PCDH15: variants seen among roughly 807,000 people sequenced by gnomAD.
PCDH15 encodes protocadherin-15.
Under a neutral mutation model 178.5 loss-of-function variants are expected in PCDH15, and 129 were observed. The ratio of observed to expected loss-of-function variants is 0.72; its 90% confidence interval spans 0.63 to 0.84. The LOEUF is 0.84. PCDH15 is among the 40% of genes least tolerant of loss of function. The pLI is 0.00. For synonymous variants in PCDH15, 800 were observed against 732.0 expected (o/e 1.09, Z -1.50); for missense variants, 2,230 against 2,099.9 (o/e 1.06, Z -1.21).
intron 1 of PCDH15, among the ~76,000 whole-genome samples, chr10:55,223,493 GT>G (rs1188422578): frequency 6.6e-6 from 1 of 152,100 alleles, no homozygotes; most frequent in African/African-American, 2.4e-5. Flanking sequence ...TATTGAAAGA[GT>G]TGTAAGAAAC....
At chr10:54,955,914 C>A (rs118184731) in intron 2 of PCDH15, among the ~76,000 whole-genome samples, 2 of 151,340 alleles carry the variant, frequency 1.3e-5, no homozygotes, top group African/African-American at 2.4e-5. Context: ...ACATGCACTA[C>A]ATATAATTGC....
chr10:54,562,599 C>T (rs2088343683), intron 2 of PCDH15, among the ~76,000 whole-genome samples: 1 of 152,008 alleles, frequency 6.6e-6, no homozygotes, highest in South Asian at 2.1e-4. Context: ...ATTAGTTTCA[C>T]AACATACTTA....
intron 2 of PCDH15, among the ~76,000 whole-genome samples, chr10:55,426,919 A>G (rs1398386759): frequency 1.3e-5 from 2 of 151,904 alleles, no homozygotes; most frequent in Non-Finnish European, 2.9e-5. Context: ...AGTCTCCTAC[A>G]CCCACCTGCT....
chr10:54,304,435 C>T (rs961812694), intron 8 of PCDH15, among the ~76,000 whole-genome samples: 3 of 151,974 alleles, frequency 2.0e-5, no homozygotes, highest in African/African-American at 7.2e-5. Flanking sequence ...TGAGAGTATA[C>T]CAATGATTGC....
At chr10:55,115,345 C>G (rs1837604256) in intron 2 of PCDH15, among the ~76,000 whole-genome samples, 1 of 152,216 alleles carries the variant, frequency 6.6e-6, no homozygotes, top group Non-Finnish European at 1.5e-5. Flanking sequence ...CTTTCTGTAA[C>G]AGCAGTCTTC....
At chr10:54,301,357 C>T (rs186731991) in intron 8 of PCDH15, among the ~76,000 whole-genome samples, 1 of 152,292 alleles carries the variant, frequency 6.6e-6, no homozygotes, top group Admixed American at 6.5e-5. Context: ...AGTCTTCTAT[C>T]ATTCTGTTGT....
At chr10:55,401,167 G>A (rs924004599) in intron 2 of PCDH15, among the ~76,000 whole-genome samples, 8 of 151,892 alleles carry the variant, frequency 5.3e-5, no homozygotes, top group Admixed American at 1.3e-4. Flanking sequence ...AACTAGCTTC[G>A]GGAACACTAC....
At chr10:55,322,581 G>C (rs186529236), upstream of PCDH15, among the ~76,000 whole-genome samples, 282 of 152,176 alleles carry the variant, frequency 1.9e-3, 1 homozygote, top group Middle Eastern at 3.4e-3. Flanking sequence ...TCCAGGCTGA[G>C]GTGGCCTTAG....
chr10:53,846,875 T>C (rs1185436236), intron 28 of PCDH15, among the ~76,000 whole-genome samples: 1 of 152,006 alleles, frequency 6.6e-6, no homozygotes, highest in African/African-American at 2.4e-5. Context: ...GTGAATGAGT[T>C]GAGTTAAAAT....
intron 2 of PCDH15, among the ~76,000 whole-genome samples, chr10:55,026,899 C>T (rs925597747): frequency 1.3e-5 from 2 of 151,842 alleles, no homozygotes; most frequent in South Asian, 4.1e-4. Flanking sequence ...TACTACTGCA[C>T]ATTTTGTTTT....
At chr10:54,963,438 C>T (rs939135616) in intron 2 of PCDH15, among the ~76,000 whole-genome samples, 5 of 151,922 alleles carry the variant, frequency 3.3e-5, no homozygotes, top group Non-Finnish European at 7.4e-5. Flanking sequence ...TAACATTTTA[C>T]CTCCCGTATT....
intron 23 of PCDH15, among the ~76,000 whole-genome samples, chr10:53,941,566 TA>T (rs1383740409): frequency 6.6e-6 from 1 of 152,178 alleles, no homozygotes; most frequent in Non-Finnish European, 1.5e-5. Context: ...TTTCCATAAA[TA>T]AAAAACATCT....
intron 2 of PCDH15, among the ~76,000 whole-genome samples, chr10:55,602,433 C>T (rs1289709311): frequency 1.3e-5 from 2 of 152,120 alleles, no homozygotes; most frequent in Non-Finnish European, 2.9e-5. Flanking sequence ...CCTCTGGGGG[C>T]AGGGCACAGA....
intron 1 of PCDH15, among the ~76,000 whole-genome samples, chr10:55,212,399 C>G (rs1840593006): frequency 1.3e-5 from 2 of 152,028 alleles, no homozygotes; most frequent in African/African-American, 4.8e-5. Flanking sequence ...GAGCAATTCT[C>G]TTTCTTTTGC....
chr10:55,222,551 CT>C (rs1213431181), intron 1 of PCDH15, among the ~76,000 whole-genome samples: 2 of 151,146 alleles, frequency 1.3e-5, no homozygotes, highest in African/African-American at 4.9e-5. Context: ...TGTTTATTTT[CT>C]TTTTCTTAAC....
upstream of PCDH15, among the ~76,000 whole-genome samples, chr10:54,803,379 T>A (rs543110318): frequency 2.6e-5 from 4 of 152,322 alleles, no homozygotes; most frequent in South Asian, 6.2e-4. Context: ...TTTAAGACGC[T>A]TAACTTTCTG....
intron 1 of PCDH15, among the ~76,000 whole-genome samples, chr10:55,173,309 A>ATGTGTGTG (rs775260037): frequency 0.097 from 12,901 of 132,786 alleles, 730 homozygotes; most frequent in Non-Finnish European, 0.1. Context: ...TAGAAAGATT[A>ATGTGTGTG]TGTGTGTGTG....
chr10:55,456,663 A>G (rs1839560779), intron 2 of PCDH15, among the ~76,000 whole-genome samples: 2 of 152,048 alleles, frequency 1.3e-5, no homozygotes, highest in South Asian at 2.1e-4. Context: ...TAAAAATAAA[A>G]TTACCTAAAA....
chr10:54,024,535 G>A (rs961202775), intron 18 of PCDH15, among the ~76,000 whole-genome samples: 2 of 152,146 alleles, frequency 1.3e-5, no homozygotes, highest in Non-Finnish European at 2.9e-5. Context: ...TGTCTAAGAT[G>A]TGAAAATCAT....
Sources: gnomAD v4.1 joint callset for allele counts (sites outside exome capture counted in the v4.1 genomes callset) on GRCh38, gnomAD v4.1.1 for gene constraint, MANE v1.5 for transcripts, NCBI Gene and HGNC (gene_info 2026-07-23, HGNC 2026-07-21) for gene names.